The following NADK variants were observed in gnomAD, a reference collection of about 807,000 sequenced individuals.
The protein encoded by NADK is poly(P)/ATP NAD kinase.
In NADK, 22 loss-of-function variants were observed where a neutral mutation model predicts 49.8. The ratio of observed to expected loss-of-function variants is 0.44; its 90% confidence interval spans 0.32 to 0.63. The LOEUF is 0.63. NADK is among the 30% of genes least tolerant of loss of function. The probability of loss-of-function intolerance (pLI) is 0.06; values close to 1 mark genes in which losing one functional copy is unlikely to be tolerated. For synonymous variants in NADK, 268 were observed against 253.7 expected (o/e 1.06, Z -0.54); for missense variants, 438 against 609.4 (o/e 0.72, Z 2.96).
rs868093646 is a variant in NADK, at chr1:1,756,183, C to T, written c.585+75G>A. 215 of 1,353,504 alleles carry T rather than the reference C, an allele frequency of 1.6e-4. 2 individuals carry two copies. In the Middle Eastern group the frequency reaches 6.2e-3, roughly 39 times the overall value. The allele number at this position is 1,353,504 out of a possible 1,614,324, so 83.8% of individuals were successfully genotyped here. On this transcript the variant is annotated intron_variant, in intron 6 of 11. Coordinates refer to ENST00000341426, the MANE Select transcript of NADK (RefSeq NM_023018.5). ...ATAAAGGGGTGAAAAGCAATGGAAG[C>T]CATGCTTGTGAGCCCCTCGTTACGC...
intron 3 of NADK, among the ~76,000 whole-genome samples, chr1:1,758,948 G>T (rs538067523): frequency 6.6e-6 from 1 of 152,328 alleles, no homozygotes; most frequent in Admixed American, 6.5e-5. Context: ...CAGGTGGAAG[G>T]GCGTTCCCTG....
At chr1:1,766,138 G>A (rs888699765) in intron 1 of NADK, among the ~76,000 whole-genome samples, 1 of 151,678 alleles carries the variant, frequency 6.6e-6, no homozygotes, top group South Asian at 2.1e-4. Context: ...GCCCATGAGC[G>A]AGACCCTGTC....
At chr1:1,758,046 G>A (rs1271335416) in intron 3 of NADK, among the ~76,000 whole-genome samples, 5 of 152,152 alleles carry the variant, frequency 3.3e-5, no homozygotes, top group Admixed American at 2.0e-4. Flanking sequence ...GCCCAGAACC[G>A]GGAACACACA....
intron 1 of NADK, among the ~76,000 whole-genome samples, chr1:1,776,548 G>A (rs1042643001): frequency 3.3e-5 from 5 of 152,114 alleles, no homozygotes; most frequent in Admixed American, 3.3e-4. Flanking sequence ...GGCCAAGGTG[G>A]GCTGATCACG....
chr1:1,759,784 G>C, intron 3 of NADK: 2 of 1,556,464 alleles, frequency 1.3e-6, no homozygotes, highest in Non-Finnish European at 1.7e-6. Context: ...GGACCACTGA[G>C]TACGCCCTGG....
At position 1,758,450 on chromosome 1, in the gene NADK, C is replaced by CG. The variant is rs897655625; in HGVS notation, c.264-1141dup. ...CCTGCCGGGTCACACATGTGGCTCG[C>CG]GAGGTAGCCCCTGCCTGCTGGGAGC... On this transcript the variant is annotated intron_variant, in intron 3 of 11. Transcript: ENST00000341426. 7.4e-6 allele frequency: 12 copies of CG among 1,612,184 alleles called. No individual in the cohort carries two copies. The African/African-American group carries it at 1.2e-4, about 16-fold the overall frequency.
At chr1:1,772,313 C>G (rs1397820867) in intron 1 of NADK, among the ~76,000 whole-genome samples, 2 of 152,054 alleles carry the variant, frequency 1.3e-5, no homozygotes, top group African/African-American at 2.4e-5. Context: ...CAAGCATGCA[C>G]CACCATGCCT....
upstream of NADK, among the ~76,000 whole-genome samples, chr1:1,779,497 T>C (rs1306603474): frequency 6.6e-6 from 1 of 152,134 alleles, no homozygotes; most frequent in Non-Finnish European, 1.5e-5. Context: ...TTTGTTTTTC[T>C]GAGATAGTGT....
intron 4 of NADK, 35 bp downstream of exon 4, chr1:1,757,146 G>GCGGC: frequency 5.9e-6 from 9 of 1,524,048 alleles, no homozygotes; most frequent in African/African-American, 1.4e-5. Flanking sequence ...AACTCCATGT[G>GCGGC]CACCCCAGGC....
intron 4 of NADK, 33 bp downstream of exon 4, chr1:1,757,148 A>AGCCCCCCCC: frequency 1.2e-6 from 1 of 859,196 alleles, no homozygotes; most frequent in Non-Finnish European, 1.8e-6. Flanking sequence ...CTCCATGTGC[A>AGCCCCCCCC]CCCCAGGCCC....
intron 3 of NADK, among the ~76,000 whole-genome samples, chr1:1,757,518 A>ACACGCAGGCTCAGG (rs1553184119): frequency 1.3e-5 from 2 of 151,168 alleles, no homozygotes; most frequent in Non-Finnish European, 2.9e-5. Flanking sequence ...ACCACCTCTC[A>ACACGCAGGCTCAGG]CCTGCTTGGC....
chr1:1,779,667 T>TTGTGTG (rs34618817), upstream of NADK, among the ~76,000 whole-genome samples: 2,204 of 148,676 alleles, frequency 0.015, 42 homozygotes, highest in African/African-American at 0.05. Flanking sequence ...ATATATATAT[T>TTGTGTG]TGTGTGTGTG....
At chr1:1,760,675 A>C (rs1231714284) in intron 3 of NADK, among the ~76,000 whole-genome samples, 1 of 149,900 alleles carries the variant, frequency 6.7e-6, no homozygotes, top group African/African-American at 2.5e-5. Flanking sequence ...GTGAAGGAGG[A>C]GGCCCTGAAG....
At chr1:1,760,632 C>T (rs1645691858) in intron 3 of NADK, among the ~76,000 whole-genome samples, 1 of 152,278 alleles carries the variant, frequency 6.6e-6, no homozygotes, top group Non-Finnish European at 1.5e-5. Flanking sequence ...CCGCATGGTC[C>T]TCCCTTGCAG....
At chr1:1,762,094 G>A in intron 2 of NADK, 59 bp from the exon 3 acceptor site, 2 of 1,434,830 alleles carry the variant, frequency 1.4e-6, no homozygotes, top group South Asian at 1.1e-5. Flanking sequence ...TGCAGTGACA[G>A]ACACAGATAC....
intron 1 of NADK, 54 bp from the exon 2 acceptor site, chr1:1,765,500 A>G: frequency 3.2e-6 from 3 of 938,034 alleles, no homozygotes; most frequent in Non-Finnish European, 4.5e-6. Context: ...TGTATGAAAC[A>G]ATAATAATTT....
At chr1:1,758,954 C>A (rs1390272296) in intron 3 of NADK, 6 of 1,132,834 alleles carry the variant, frequency 5.3e-6, no homozygotes, top group Non-Finnish European at 7.3e-6. Context: ...GAAGGGCGTT[C>A]CCTGCCTCCT....
In NADK at chr1:1,752,913, C is replaced by CTCG. The variant is rs756047433; in HGVS notation, c.1331_1332insCGA (p.Glu443_Glu444insAsp). On this transcript the variant is annotated inframe_insertion, in exon 12 of 12. Transcript: ENST00000341426. ...TGGATAGGGGCTTGACCTAGCCCTC[C>CTCG]TCCTCCTCCTCCTCCTCCTCCTCGA... 1 of 1,566,794 alleles carries CTCG rather than the reference C, an allele frequency of 6.4e-7. No homozygotes were observed. The highest frequency in any genetic ancestry group is 2.3e-5 in the East Asian group (1 of 43,506).
intron 1 of NADK, among the ~76,000 whole-genome samples, chr1:1,765,789 A>C (rs1289807186): frequency 6.6e-6 from 1 of 152,116 alleles, no homozygotes; most frequent in African/African-American, 2.4e-5. Flanking sequence ...GGGCGCCTGT[A>C]GTCCTAGCTA....
Sources: gnomAD v4.1 joint callset for allele counts (sites outside exome capture counted in the v4.1 genomes callset) on GRCh38, gnomAD v4.1.1 for gene constraint, MANE v1.5 for transcripts, NCBI Gene and HGNC (gene_info 2026-07-23, HGNC 2026-07-21) for gene names.